Variants in VPS13D observed in about 807,000 individuals in gnomAD.
VPS13D encodes the protein vacuolar protein sorting 13 homolog D.
Under a neutral mutation model 461.9 loss-of-function variants are expected in VPS13D, and 187 were observed. The ratio of observed to expected loss-of-function variants is 0.40; its 90% confidence interval spans 0.36 to 0.46. VPS13D has a LOEUF of 0.46. Among genes scored for constraint, VPS13D ranks in the 20% least tolerant of loss-of-function variants. The pLI is 0.60. For missense variants in VPS13D, 4,711 were observed against 5,364.9 expected (o/e 0.88, Z 3.81); for synonymous variants, 1,951 against 1,986.3 (o/e 0.98, Z 0.47).
chr1:12,237,314 A>G (rs1306442577), intron 2 of VPS13D, among the ~76,000 whole-genome samples: 2 of 147,072 alleles, frequency 1.4e-5, no homozygotes, highest in African/African-American at 5.3e-5. Context: ...ATATGGTGAG[A>G]TCCCTTTTCT....
Position 12,311,470 on chromosome 1 carries a change from G to C in VPS13D, c.6667G>C (p.Val2223Leu), listed in dbSNP as rs574373428. The C allele has an allele frequency of 6.2e-7, 1 of 1,612,976 alleles. No individual in the cohort carries two copies. The highest frequency in any genetic ancestry group is 1.1e-5 in the South Asian group (1 of 90,824). ...TTTTCATAGAGAAATAAGTCATACT[G>C]TGCCAGACATATCTATCCATGGCAA... ...RNLDKEISHT[V>L]PDISIHGNLS... is the part of the protein sequence containing the mutation. The change falls in exon 28 of 70, where the codon GTG (valine) becomes CTG (leucine). Residue 2223 changes from valine to leucine, a missense_variant. Around this residue, in one of 3 missense-constraint regions of VPS13D, gnomAD observed 4,411 missense variants for 4,937.8 expected, o/e 0.89. Coordinates refer to ENST00000620676, the MANE Select transcript of VPS13D (RefSeq NM_015378.4).
At chr1:12,423,235 G>A (rs1022309233) in intron 65 of VPS13D, among the ~76,000 whole-genome samples, 2 of 152,126 alleles carry the variant, frequency 1.3e-5, no homozygotes, top group African/African-American at 4.8e-5. Flanking sequence ...GCCCAGATTG[G>A]TCAGGTGACT....
intron 63 of VPS13D, among the ~76,000 whole-genome samples, chr1:12,412,629 G>A (rs192887732): frequency 6.5e-4 from 99 of 152,154 alleles, no homozygotes; most frequent in Non-Finnish European, 1.2e-3. Flanking sequence ...CCCTCCTACC[G>A]TACATAAAAA....
chr1:12,467,896 A>G (rs553706056), intron 67 of VPS13D, among the ~76,000 whole-genome samples: 7 of 151,870 alleles, frequency 4.6e-5, no homozygotes, highest in African/African-American at 1.7e-4. Flanking sequence ...CATAGAAACC[A>G]CACTATCCTG....
intron 39 of VPS13D, 173 bp downstream of exon 39, chr1:12,336,000 C>G: frequency 1.2e-6 from 1 of 862,182 alleles, no homozygotes; most frequent in Non-Finnish European, 1.7e-6. Flanking sequence ...CTGGCATGAA[C>G]TACTGAACTT....
intron 65 of VPS13D, among the ~76,000 whole-genome samples, chr1:12,439,735 A>G (rs28678156): frequency 0.093 from 14,168 of 152,134 alleles, 1,051 homozygotes; most frequent in African/African-American, 0.2. Flanking sequence ...TTTTATTGAT[A>G]GGAGGGAAGA....
intron 2 of VPS13D, among the ~76,000 whole-genome samples, chr1:12,234,614 C>T (rs954660900): frequency 6.6e-6 from 1 of 152,120 alleles, no homozygotes; most frequent in African/African-American, 2.4e-5. Flanking sequence ...GGTGACTGTG[C>T]TTAGTCCCAG....
chr1:12,384,665 G>A (rs1644327663), intron 58 of VPS13D, among the ~76,000 whole-genome samples: 1 of 152,014 alleles, frequency 6.6e-6, no homozygotes, highest in African/African-American at 2.4e-5. Context: ...TTTCACCTAG[G>A]CTGGAGGGAA....
At chr1:12,280,621 C>T (rs895504962) in intron 20 of VPS13D, among the ~76,000 whole-genome samples, 3 of 151,656 alleles carry the variant, frequency 2.0e-5, no homozygotes, top group African/African-American at 7.3e-5. Flanking sequence ...TCCTGGGTAG[C>T]TGTGATTACA....
At chr1:12,396,029 A>ATATATATATATATATATATATATAT (rs1553187933) in intron 60 of VPS13D, among the ~76,000 whole-genome samples, 7 of 119,872 alleles carry the variant, frequency 5.8e-5, no homozygotes, top group Admixed American at 3.8e-4. Flanking sequence ...ATATATATAT[A>ATATATATATATATATATATATATAT]GTTCTTTAAG....
chr1:12,488,188 T>G (rs1645827126), intron 67 of VPS13D, among the ~76,000 whole-genome samples: 1 of 152,230 alleles, frequency 6.6e-6, no homozygotes, highest in African/African-American at 2.4e-5. Flanking sequence ...ACTTTCGCAT[T>G]TTGGTATTTT....
rs1646188260 is a variant in VPS13D, at chr1:12,511,954, A to T, written c.*2930A>T. 1 of 152,244 alleles carries T rather than the reference A, an allele frequency of 6.6e-6. No homozygotes were observed. The allele number at this position is 152,244 out of a possible 1,614,324, so 9.4% of individuals were successfully genotyped here. A position where few individuals can be genotyped will look rare whatever the true frequency, so the allele number is the denominator to read the frequency against. On this transcript the variant is annotated 3_prime_UTR_variant, in exon 70 of 70. Transcript: ENST00000620676. This position sits in a 1 kb window ranked among gnomAD's most constrained non-coding sequence, Gnocchi z 4.5. ...TTCTCTATTATGTAAACACTATTACAGTCACCAGTGTGTGAAGACTCTTGA... is the reference window on the plus strand; with the variant it reads ...TTCTCTATTATGTAAACACTATTACTGTCACCAGTGTGTGAAGACTCTTGA...
At chr1:12,411,891 G>A (rs901291284) in intron 63 of VPS13D, among the ~76,000 whole-genome samples, 2 of 152,218 alleles carry the variant, frequency 1.3e-5, no homozygotes, top group African/African-American at 4.8e-5. Flanking sequence ...CGTGGTGGAA[G>A]CATCAAAACA....
rs546900741 is a variant in VPS13D, at chr1:12,230,949, C to G, written c.-77+829C>G. ...GGGAGCGTCGCCTTCCGGGCAGTGC[C>G]GTTCCTGTGGGGCCACCGGTCGCAC... On this transcript the variant is annotated intron_variant, in intron 1 of 69. Transcript: ENST00000620676. Among the ~76,000 whole-genome samples, 3 of 152,100 alleles carry G rather than the reference C, an allele frequency of 2.0e-5. No homozygotes were observed. In the East Asian group the frequency reaches 5.8e-4, roughly 29 times the overall value.
intron 65 of VPS13D, among the ~76,000 whole-genome samples, chr1:12,418,522 T>G (rs1384191632): frequency 6.6e-6 from 1 of 152,254 alleles, no homozygotes; most frequent in Non-Finnish European, 1.5e-5. Flanking sequence ...GTTTTATAAT[T>G]TCTTTGTTTT....
intron 65 of VPS13D, among the ~76,000 whole-genome samples, chr1:12,440,161 G>T (rs1015547473): frequency 6.6e-6 from 1 of 152,236 alleles, no homozygotes; most frequent in South Asian, 2.1e-4. Context: ...GAGGCGCTGA[G>T]AAATCTGTAA....
chr1:12,394,096 G>C (rs1165714193), intron 60 of VPS13D, among the ~76,000 whole-genome samples: 2 of 152,162 alleles, frequency 1.3e-5, no homozygotes, highest in Admixed American at 6.5e-5. Flanking sequence ...AAGGATGGGA[G>C]AAAGATTCAC....
chr1:12,381,894 CTG>C (rs1373603016), intron 57 of VPS13D, among the ~76,000 whole-genome samples: 3 of 144,030 alleles, frequency 2.1e-5, no homozygotes, highest in Non-Finnish European at 4.6e-5. Context: ...GTCAGTCAGT[CTG>C]TCTTTTTTTC....
At chr1:12,291,675 T>G (rs1052923199) in intron 23 of VPS13D, among the ~76,000 whole-genome samples, 6 of 152,148 alleles carry the variant, frequency 3.9e-5, no homozygotes, top group African/African-American at 1.4e-4. Context: ...TATTTCTGAT[T>G]ATTAAAAGCC....
Sources: gnomAD v4.1 joint callset for allele counts (sites outside exome capture counted in the v4.1 genomes callset) on GRCh38, gnomAD v4.1.1 for gene constraint, gnomAD v4.1.1 regional missense constraint, Gnocchi (gnomAD v3.1) non-coding constraint, MANE v1.5 for transcripts, NCBI Gene and HGNC (gene_info 2026-07-23, HGNC 2026-07-21) for gene names.